ERC2: variants seen among roughly 807,000 people sequenced by gnomAD.
ERC2 encodes ELKS/RAB6-interacting/CAST family member 2.
A neutral mutation model predicts 114.8 loss-of-function variants in ERC2; 42 were observed. That is an observed-to-expected ratio of 0.37 (90% CI 0.29 to 0.47). The LOEUF (loss-of-function observed/expected upper bound fraction) is 0.47. ERC2 is among the 20% of genes least tolerant of loss of function. ERC2 has a pLI of 0.99. For synonymous variants in ERC2, 454 were observed against 425.5 expected, an observed-to-expected ratio of 1.07 and a Z score of -0.82; for missense variants, 939 against 1,150.7, an observed-to-expected ratio of 0.82 and a Z score of 2.66.
intron 4 of ERC2, 144 bp from the exon 5 acceptor site, chr3:56,149,276 A>G (rs146328883): frequency 2.5e-5 from 18 of 730,596 alleles, no homozygotes; most frequent in Admixed American, 3.0e-5. Flanking sequence ...AGGACAACTT[A>G]TTTTTTTTCA....
intron 15 of ERC2, among the ~76,000 whole-genome samples, chr3:55,726,302 A>G (rs1317875960): frequency 2.0e-5 from 3 of 152,226 alleles, no homozygotes; most frequent in Non-Finnish European, 4.4e-5. Flanking sequence ...TGGGAACCCT[A>G]CTGCATGGGG....
intron 8 of ERC2, among the ~76,000 whole-genome samples, chr3:56,016,427 C>CT (rs11430130): frequency 0.5 from 70,517 of 141,062 alleles, 18,693 homozygotes; most frequent in East Asian, 0.69. Flanking sequence ...CTTTTTTTTT[C>CT]TTTTTTTTTT....
At chr3:56,167,266 C>G (rs1451744030) in intron 4 of ERC2, among the ~76,000 whole-genome samples, 1 of 152,146 alleles carries the variant, frequency 6.6e-6, no homozygotes, top group Non-Finnish European at 1.5e-5. Flanking sequence ...ACTTAGAACT[C>G]AGTTTTTCCT....
intron 17 of ERC2, among the ~76,000 whole-genome samples, chr3:55,630,288 G>A (rs1214158457): frequency 2.6e-5 from 4 of 152,128 alleles, no homozygotes; most frequent in African/African-American, 2.4e-5. Flanking sequence ...TCCTGCCTCC[G>A]CCGCCTGAGT....
chr3:56,070,510 A>G (rs954221470), intron 7 of ERC2, among the ~76,000 whole-genome samples: 1 of 150,156 alleles, frequency 6.7e-6, no homozygotes, highest in South Asian at 2.1e-4. Flanking sequence ...AGTATAGAAT[A>G]TAAGGTCTTA....
rs547564071 is a variant in ERC2, at chr3:55,556,392, C to T, written c.*40-45116G>A. ...AGGCACGGGGTTTTGCTCCACAGCC[C>T]CCATTCACCTTACTTCCAGGAAGAC... On this transcript the variant is annotated intron_variant, in intron 17 of 17. Transcript: ENST00000288221. 1.2e-4 allele frequency among the ~76,000 whole-genome samples: 18 copies of T among 152,294 alleles called. No individual in the cohort carries two copies. In the South Asian group the frequency reaches 1.9e-3, roughly 16 times the overall value.
chr3:55,581,114 T>C (rs565620898), intron 17 of ERC2, among the ~76,000 whole-genome samples: 2 of 152,274 alleles, frequency 1.3e-5, no homozygotes, highest in African/African-American at 4.8e-5. Context: ...CAGTGCTGGG[T>C]GACTCTCACT....
chr3:55,877,501 A>T (rs6795541), intron 14 of ERC2, among the ~76,000 whole-genome samples: 57,098 of 150,356 alleles, frequency 0.38, 13,907 homozygotes, highest in African/African-American at 0.69. Flanking sequence ...CTCTTTTTTT[A>T]ATTTTTATTT....
chr3:56,310,341 G>A (rs1447328689), intron 2 of ERC2, among the ~76,000 whole-genome samples: 2 of 152,184 alleles, frequency 1.3e-5, no homozygotes, highest in Non-Finnish European at 2.9e-5. Context: ...GTTATTATAG[G>A]ACGGCTCTTT....
intron 6 of ERC2, among the ~76,000 whole-genome samples, chr3:56,108,453 A>C (rs2078786220): frequency 6.6e-6 from 1 of 152,116 alleles, no homozygotes; most frequent in Non-Finnish European, 1.5e-5. Context: ...ATAACCAATA[A>C]TTTTTTATAA....
At chr3:56,159,231 C>G (rs2081921091) in intron 4 of ERC2, among the ~76,000 whole-genome samples, 1 of 152,062 alleles carries the variant, frequency 6.6e-6, no homozygotes, top group Non-Finnish European at 1.5e-5. Flanking sequence ...CTACAGCCTG[C>G]AAAACTGTGA....
rs1479576962 is a variant in ERC2 at position 56,162,170 on chromosome 3, A to G, written c.1149+11276T>C. Among the ~76,000 whole-genome samples, 10 of 152,266 alleles carry G rather than the reference A, an allele frequency of 6.6e-5. No individual in the cohort carries two copies. In the East Asian group the frequency reaches 1.9e-3, roughly 29 times the overall value. On this transcript the variant is annotated intron_variant, in intron 4 of 17. Coordinates refer to ENST00000288221, the MANE Select transcript of ERC2 (RefSeq NM_015576.3). ...ATGGTTTTTGTTTTTAATTCTGTTT[A>G]TGTGTTGAACACATTTATTGATTTG...
chr3:55,932,212 G>T (rs1220881110), intron 13 of ERC2, among the ~76,000 whole-genome samples: 3 of 152,070 alleles, frequency 2.0e-5, no homozygotes, highest in African/African-American at 7.2e-5. Context: ...ATAACCTAGG[G>T]TCTAAAAGGC....
chr3:55,553,966 T>A (rs994610223), intron 17 of ERC2, among the ~76,000 whole-genome samples: 3 of 152,208 alleles, frequency 2.0e-5, no homozygotes, highest in Non-Finnish European at 4.4e-5. Flanking sequence ...TATTAAAATT[T>A]CCAAATTTTC....
chr3:56,088,983 G>C (rs2077646737), intron 6 of ERC2, among the ~76,000 whole-genome samples: 1 of 152,128 alleles, frequency 6.6e-6, no homozygotes, highest in Non-Finnish European at 1.5e-5. Flanking sequence ...AGGAAGAGTG[G>C]AGAACCAGCA....
intron 2 of ERC2, among the ~76,000 whole-genome samples, chr3:56,386,030 T>C (rs945386931): frequency 5.9e-5 from 9 of 152,152 alleles, no homozygotes; most frequent in East Asian, 1.9e-4. Context: ...ATCTCAGTTT[T>C]GAACAAGTAA....
At chr3:56,132,526 A>G (rs2080263417) in intron 6 of ERC2, among the ~76,000 whole-genome samples, 1 of 152,146 alleles carries the variant, frequency 6.6e-6, no homozygotes, top group African/African-American at 2.4e-5. Context: ...AATTCATTTA[A>G]TTTGGGAGGC....
intron 7 of ERC2, among the ~76,000 whole-genome samples, chr3:56,045,635 A>G (rs369907875): frequency 2.0e-4 from 31 of 152,304 alleles, no homozygotes; most frequent in African/African-American, 7.2e-4. Flanking sequence ...TAAAATTTAT[A>G]TCAAATATTT....
intron 12 of ERC2, among the ~76,000 whole-genome samples, chr3:55,975,235 A>G (rs1576421199): frequency 6.6e-6 from 1 of 152,226 alleles, no homozygotes; most frequent in East Asian, 1.9e-4. Flanking sequence ...GCATAGGACC[A>G]GGGCTAACAG....
Sources: allele counts gnomAD v4.1 joint callset (sites outside exome capture counted in the v4.1 genomes callset), GRCh38; gene constraint gnomAD v4.1.1; transcripts MANE v1.5; gene names NCBI Gene and HGNC (gene_info 2026-07-23, HGNC 2026-07-21).